KIAA1217: variants seen among roughly 807,000 people sequenced by gnomAD.
The protein encoded by KIAA1217 is KIAA1217, also known as sickle tail protein homolog.
A neutral mutation model predicts 163.9 loss-of-function variants in KIAA1217; 88 were observed. The observed-to-expected ratio is 0.54, with a 90% CI of 0.45 to 0.64. The LOEUF is 0.64. Among genes scored for constraint, KIAA1217 ranks in the 30% least tolerant of loss-of-function variants. The probability of loss-of-function intolerance (pLI) is 0.00; values close to 1 mark genes in which losing one functional copy is unlikely to be tolerated. For synonymous variants in KIAA1217, 903 were observed against 923.1 expected (o/e 0.98, Z 0.39); for missense variants, 2,372 against 2,475.0 (o/e 0.96, Z 0.88).
At chr10:23,739,591 G>A (rs112150206) in intron 1 of KIAA1217, among the ~76,000 whole-genome samples, 38 of 152,260 alleles carry the variant, frequency 2.5e-4, no homozygotes, top group African/African-American at 8.4e-4. Flanking sequence ...GAAAAGGTCC[G>A]GCAGGGCTTT....
rs189651992 is a variant in KIAA1217 at position 24,304,805 on chromosome 10, A to G, written c.355-76064A>G. Among the ~76,000 whole-genome samples the G allele has an allele frequency of 2.6e-5, 4 of 152,298 alleles. No individual in the cohort carries two copies. The East Asian group carries it at 7.7e-4, about 29-fold the overall frequency. ...GGAAGTGCAAAGCTATGTAGCCTCT[A>G]CAAGAGCACATGTGTAGTTTAGGGT... On this transcript the variant is annotated intron_variant, in intron 2 of 20. Coordinates refer to ENST00000376454, the MANE Select transcript of KIAA1217 (RefSeq NM_019590.5).
chr10:24,387,525 T>C (rs1485436159), intron 3 of KIAA1217, among the ~76,000 whole-genome samples: 2 of 152,156 alleles, frequency 1.3e-5, no homozygotes, highest in African/African-American at 4.8e-5. Context: ...ACTACTCCTA[T>C]TCAACATAGT....
chr10:23,740,003 T>G (rs1170351530), intron 1 of KIAA1217, among the ~76,000 whole-genome samples: 1 of 151,390 alleles, frequency 6.6e-6, no homozygotes, highest in Non-Finnish European at 1.5e-5. Flanking sequence ...AGGAGAAGAC[T>G]GAGGGGAGAT....
chr10:24,489,885 A>AAG (rs2065894914), intron 6 of KIAA1217, among the ~76,000 whole-genome samples: 1 of 137,996 alleles, frequency 7.2e-6, no homozygotes, highest in Non-Finnish European at 1.5e-5. Flanking sequence ...AAAAAAAAAA[A>AAG]GGTTCTATAA....
At chr10:24,135,340 C>CT (rs2063794506) in intron 2 of KIAA1217, among the ~76,000 whole-genome samples, 1 of 152,018 alleles carries the variant, frequency 6.6e-6, no homozygotes, top group Non-Finnish European at 1.5e-5. Flanking sequence ...GACTTTAAGT[C>CT]AGTGAGTTTT....
chr10:23,852,706 A>G (rs1317065978), intron 1 of KIAA1217, among the ~76,000 whole-genome samples: 2 of 152,098 alleles, frequency 1.3e-5, no homozygotes, highest in Non-Finnish European at 2.9e-5. Flanking sequence ...AGTGGTTTGT[A>G]GTTCTCCTTG....
intron 1 of KIAA1217, among the ~76,000 whole-genome samples, chr10:23,811,146 T>G (rs1007714537): frequency 1.4e-5 from 2 of 140,576 alleles, no homozygotes; most frequent in East Asian, 4.1e-4. Flanking sequence ...GATTATACTA[T>G]GTATATAGTA....
chr10:24,143,113 A>G (rs1293738280), intron 2 of KIAA1217, among the ~76,000 whole-genome samples: 1 of 152,192 alleles, frequency 6.6e-6, no homozygotes, highest in Non-Finnish European at 1.5e-5. Flanking sequence ...GTTAAAAGTG[A>G]AATAGACAAA....
rs113275164 is a variant in KIAA1217 at position 23,858,250 on chromosome 10, A to G, written c.-320-148975A>G. ...GGATGGGGAAGAGCAGTGATTTTCA[A>G]TTTAGCCTGAGAATGTGCCTTGCTG... On this transcript the variant is annotated intron_variant, in intron 1 of 18. Transcript: ENST00000376462. 7.2e-4 allele frequency among the ~76,000 whole-genome samples: 110 copies of G among 152,236 alleles called. 1 individual carries two copies. The highest frequency in any genetic ancestry group is 3.4e-3 in the Middle Eastern group (1 of 294).
chr10:24,339,854 A>G (rs998770171), intron 2 of KIAA1217, among the ~76,000 whole-genome samples: 1 of 152,234 alleles, frequency 6.6e-6, no homozygotes, highest in Non-Finnish European at 1.5e-5. Flanking sequence ...CCCAAAGCCA[A>G]TGTTAGTCTG....
intron 2 of KIAA1217, among the ~76,000 whole-genome samples, chr10:24,017,550 C>T (rs376966335): frequency 6.6e-6 from 1 of 152,032 alleles, no homozygotes; most frequent in Non-Finnish European, 1.5e-5. Context: ...AACATACTGG[C>T]TTAAATTCAC....
chr10:24,044,905 T>C (rs1848888296), intron 2 of KIAA1217, among the ~76,000 whole-genome samples: 1 of 152,134 alleles, frequency 6.6e-6, no homozygotes, highest in Admixed American at 6.6e-5. Flanking sequence ...TGCTTTTCTC[T>C]GCATTCCTCA....
Position 24,407,048 on chromosome 10 carries a change from A to G in KIAA1217, c.554-25947A>G, listed in dbSNP as rs147471636. 2.0e-4 allele frequency among the ~76,000 whole-genome samples: 31 copies of G among 152,320 alleles called. No homozygotes were observed. The East Asian group carries it at 6.0e-3, about 29-fold the overall frequency. ...ACTACCATCGCAGCTCTGTCATGGA[A>G]TAAGCCAGAGAGACCCTGGGCAGAT... On this transcript the variant is annotated intron_variant, in intron 3 of 20. Coordinates refer to ENST00000376454, the MANE Select transcript of KIAA1217 (RefSeq NM_019590.5).
chr10:24,072,195 A>C (rs1377560899), intron 2 of KIAA1217, among the ~76,000 whole-genome samples: 1 of 151,704 alleles, frequency 6.6e-6, no homozygotes, highest in African/African-American at 2.4e-5. Flanking sequence ...CCAGCTAATT[A>C]TTTTTATTTT....
intron 11 of KIAA1217, among the ~76,000 whole-genome samples, chr10:24,520,689 A>ACACACACAC (rs763777354): frequency 0.12 from 12,487 of 101,596 alleles, 1,010 homozygotes; most frequent in Middle Eastern, 0.23. Context: ...CACACACACA[A>ACACACACAC]AAAAAAATTA....
At chr10:23,995,449 CCTGTGT>C (rs1477622684) in intron 1 of KIAA1217, among the ~76,000 whole-genome samples, 1 of 79,590 alleles carries the variant, frequency 1.3e-5, no homozygotes, top group Non-Finnish European at 2.5e-5. Context: ...CCAATTATGG[CCTGTGT>C]GTGTGTGTGT....
intron 1 of KIAA1217, among the ~76,000 whole-genome samples, chr10:23,722,023 A>G (rs968153290): frequency 1.3e-5 from 2 of 152,192 alleles, no homozygotes; most frequent in African/African-American, 4.8e-5. Context: ...AAAGGAAGGA[A>G]ATTCTGACAC....
At chr10:24,071,584 G>A (rs1247211868) in intron 2 of KIAA1217, among the ~76,000 whole-genome samples, 1 of 152,126 alleles carries the variant, frequency 6.6e-6, no homozygotes, top group Admixed American at 6.6e-5. Context: ...TACATGATTT[G>A]GGAAGTCACA....
At chr10:23,840,582 TG>T in intron 1 of KIAA1217, among the ~76,000 whole-genome samples, 1 of 152,220 alleles carries the variant, frequency 6.6e-6, no homozygotes, top group East Asian at 1.9e-4. Flanking sequence ...TTATAGAATG[TG>T]GTTTAATGAA....
Sources: gnomAD v4.1 joint callset for allele counts (sites outside exome capture counted in the v4.1 genomes callset) on GRCh38, gnomAD v4.1.1 for gene constraint, MANE v1.5 for transcripts, NCBI Gene and HGNC (gene_info 2026-07-23, HGNC 2026-07-21) for gene names.